Variants in SLA observed in about 807,000 individuals in gnomAD.
SLA encodes the protein src-like-adapter.
A neutral mutation model predicts 30.3 loss-of-function variants in SLA; 16 were observed. The ratio of observed to expected loss-of-function variants is 0.53; its 90% CI spans 0.36 to 0.80. The LOEUF (loss-of-function observed/expected upper bound fraction) is 0.80. Ranked by LOEUF, SLA falls within the 30% of genes least tolerant of loss-of-function variation. The probability of loss-of-function intolerance (pLI) is 0.01; values close to 1 mark genes in which losing one functional copy is unlikely to be tolerated. For missense variants in SLA, 310 were observed against 345.2 expected (o/e 0.90, Z 0.81); for synonymous variants, 143 against 137.8 (o/e 1.04, Z -0.26).
At chr8:133,056,509 T>C (rs1841470531) in intron 3 of SLA, among the ~76,000 whole-genome samples, 1 of 152,124 alleles carries the variant, frequency 6.6e-6, no homozygotes. Context: ...CCCTGTCCTT[T>C]CCAGGCACAC....
intron 2 of SLA, among the ~76,000 whole-genome samples, chr8:133,065,152 CCAA>C (rs1213878886): frequency 6.6e-6 from 1 of 152,180 alleles, no homozygotes; most frequent in East Asian, 1.9e-4. Context: ...TATGTGAATG[CCAA>C]CAACAACGGT....
intron 1 of SLA, among the ~76,000 whole-genome samples, chr8:133,078,436 A>T (rs1198336817): frequency 6.6e-6 from 1 of 152,058 alleles, no homozygotes; most frequent in African/African-American, 2.4e-5. Flanking sequence ...CTCCTCCACC[A>T]CCCTAACCAT....
At chr8:133,076,032 A>T (rs577792981) in intron 1 of SLA, 5 of 152,208 alleles carry the variant, frequency 3.3e-5, no homozygotes, top group Non-Finnish European at 5.9e-5. Context: ...CAAGCAGAGA[A>T]ACTCAGGCAC....
intron 7 of SLA, among the ~76,000 whole-genome samples, chr8:133,040,763 G>A (rs1838066861): frequency 6.6e-6 from 1 of 151,912 alleles, no homozygotes. Flanking sequence ...AGGAGGAGGT[G>A]AAAATAGCAC....
At chr8:133,086,995 A>G (rs1337442813) in intron 1 of SLA, among the ~76,000 whole-genome samples, 1 of 152,138 alleles carries the variant, frequency 6.6e-6, no homozygotes, top group Admixed American at 6.6e-5. Flanking sequence ...ATACAGAATG[A>G]TATCGACAAT....
chr8:133,094,245 T>TTC lies in SLA; in HGVS notation c.-319+8307_-319+8308insGA, dbSNP rs774747182. On this transcript the variant is annotated intron_variant, in intron 1 of 8. Transcript: ENST00000338087. The stretch of plus-strand genomic sequence containing the variant: ...GAAAGAAGAAACCTGTCGTTTTCTT[T>TTC]TTTTTTTTTTTTTTTGATGGAGTCT... Among the ~76,000 whole-genome samples the TTC allele has an allele frequency of 3.8e-3, 556 of 144,422 alleles. 2 individuals carry two copies. The highest frequency in any genetic ancestry group is 7.2e-3 in the Middle Eastern group (2 of 278). The allele number at this position is 144,422 out of a possible 152,430, so 94.7% of individuals were successfully genotyped here.
At chr8:133,040,931 T>G (rs960072657) in intron 7 of SLA, among the ~76,000 whole-genome samples, 1 of 152,208 alleles carries the variant, frequency 6.6e-6, no homozygotes, top group Non-Finnish European at 1.5e-5. Flanking sequence ...TTCTCTTGCA[T>G]GAAAATCTCT....
intron 7 of SLA, 81 bp from the exon 8 acceptor site, chr8:133,040,211 A>G (rs1035642127): frequency 1.4e-6 from 2 of 1,451,724 alleles, no homozygotes; most frequent in Non-Finnish European, 1.9e-6. Context: ...GACACTCTCC[A>G]GTGCAGCTCC....
intron 2 of SLA, among the ~76,000 whole-genome samples, chr8:133,067,993 A>G (rs1342908450): frequency 6.6e-6 from 1 of 152,182 alleles, no homozygotes; most frequent in African/African-American, 2.4e-5. Flanking sequence ...AGCTCAATAC[A>G]TAGAATAGAT....
Position 133,083,055 on chromosome 8 carries a change from C to T in SLA, c.-318-7925G>A, listed in dbSNP as rs544220655. ...GGAGGGAGAGCGATGAGTAGGCAGG[C>T]CTAGTTGCTATAGAAATAGTTCTGG... is the stretch of plus-strand genomic sequence containing the variant. On this transcript the variant is annotated intron_variant, in intron 1 of 8. Transcript: ENST00000338087. Among the ~76,000 whole-genome samples, 6 of 152,286 alleles carry T rather than the reference C, an allele frequency of 3.9e-5. No homozygotes were observed. In the South Asian group the frequency reaches 6.2e-4, roughly 16 times the overall value.
chr8:133,062,482 G>C (rs1053534648), intron 2 of SLA, among the ~76,000 whole-genome samples: 3 of 152,258 alleles, frequency 2.0e-5, no homozygotes, highest in Admixed American at 6.5e-5. Context: ...CCCCGGTGCC[G>C]GGCCCTGGGC....
At chr8:133,052,181 G>A (rs1380098492) in intron 3 of SLA, among the ~76,000 whole-genome samples, 1 of 152,136 alleles carries the variant, frequency 6.6e-6, no homozygotes, top group Non-Finnish European at 1.5e-5. Flanking sequence ...TAAGCCTCTT[G>A]GGCAGACTAA....
intron 1 of SLA, chr8:133,094,548 A>T (rs969024022): frequency 4.0e-5 from 8 of 200,200 alleles, no homozygotes; most frequent in Non-Finnish European, 8.4e-5. Flanking sequence ...ATTTTGATGA[A>T]GCAATTTACC....
chr8:133,093,050 G>A (rs4551333), intron 1 of SLA, among the ~76,000 whole-genome samples: 108,766 of 151,920 alleles, frequency 0.72, 39,367 homozygotes, highest in Non-Finnish European at 0.75. Context: ...CCTGCCTGTG[G>A]GCCCTTCTGC....
chr8:133,046,049 C>G lies in SLA; in HGVS notation c.353-934G>C, dbSNP rs560258498. Reference sequence around the variant, plus strand: ...AGGCGGGTTATTGCTCCTTAAGCCTCGTTAGAGCAATGACCTGATATGGGT... The same window carrying G: ...AGGCGGGTTATTGCTCCTTAAGCCTGGTTAGAGCAATGACCTGATATGGGT... On this transcript the variant is annotated intron_variant, in intron 6 of 8. Transcript: ENST00000338087. Among the ~76,000 whole-genome samples the G allele has an allele frequency of 2.6e-5, 4 of 152,256 alleles. No homozygotes were observed. In the East Asian group the frequency reaches 7.7e-4, roughly 29 times the overall value.
Position 133,050,885 on chromosome 8 carries a change from C to G in SLA, c.92G>C (p.Ser31Thr). 1 of 1,613,766 alleles carries G rather than the reference C, an allele frequency of 6.2e-7. No homozygotes were observed. The highest frequency in any genetic ancestry group is 8.5e-7 in the Non-Finnish European group (1 of 1,179,698). ...GLDSDFLAVL[S>T]DYPSPDISPP... is the part of the protein sequence containing the mutation. ...GCTGATGTCAGGAGACGGGTAGTCACTTAGCACGGCAAGGAAGTCGCTATC... is the reference window on the plus strand; with the variant it reads ...GCTGATGTCAGGAGACGGGTAGTCAGTTAGCACGGCAAGGAAGTCGCTATC... Residue 31 changes from serine (S) to threonine (T), a missense_variant, in exon 4 of 9, where the codon AGT becomes ACT. Transcript: ENST00000338087.
At chr8:133,058,508 C>G (rs961308797) in intron 3 of SLA, among the ~76,000 whole-genome samples, 2 of 152,230 alleles carry the variant, frequency 1.3e-5, no homozygotes, top group African/African-American at 4.8e-5. Context: ...ATGCTGCCCC[C>G]TCTGCCCCAG....
intron 7 of SLA, among the ~76,000 whole-genome samples, chr8:133,044,684 G>T (rs544304413): frequency 6.6e-6 from 1 of 152,270 alleles, no homozygotes; most frequent in South Asian, 2.1e-4. Flanking sequence ...GAATATGTAT[G>T]GCCCACTTAA....
At chr8:133,053,552 T>G (rs1474702991) in intron 3 of SLA, among the ~76,000 whole-genome samples, 1 of 152,022 alleles carries the variant, frequency 6.6e-6, no homozygotes, top group Non-Finnish European at 1.5e-5. Flanking sequence ...AAAAAACGTG[T>G]TGAAATGGGG....
Sources: gnomAD v4.1 joint callset for allele counts (sites outside exome capture counted in the v4.1 genomes callset) on GRCh38, gnomAD v4.1.1 for gene constraint, MANE v1.5 for transcripts, NCBI Gene and HGNC (gene_info 2026-07-23, HGNC 2026-07-21) for gene names.